ZNF84: variants seen among roughly 807,000 people sequenced by gnomAD.
ZNF84 encodes zinc finger protein 84, also known as zinc finger protein HPF2.
A neutral mutation model predicts 14.8 loss-of-function variants in ZNF84; 12 were observed. The ratio of observed to expected loss-of-function variants is 0.81; its 90% CI spans 0.52 to 1.31. The LOEUF is 1.31. Ranked by LOEUF, ZNF84 falls within the 50% of genes most tolerant of loss-of-function variation. ZNF84 has a pLI of 0.00. For missense variants in ZNF84, 859 were observed against 878.6 expected (o/e 0.98, Z 0.28); for synonymous variants, 347 against 291.1 (o/e 1.19, Z -1.96).
intron 4 of ZNF84, among the ~76,000 whole-genome samples, chr12:133,055,258 G>A (rs1954134166): frequency 6.6e-6 from 1 of 151,736 alleles, no homozygotes; most frequent in Non-Finnish European, 1.5e-5. Flanking sequence ...TGATAGAGAT[G>A]GATTACAAAA....
chr12:133,059,221 C>G lies in ZNF84; in HGVS notation c.*289C>G. ...CAAAAGCCTTCCAGAAGTCAAGTCT[C>G]TTAAGCTATTAGAAATATTCCCACT... is the stretch of plus-strand genomic sequence containing the variant. On this transcript the variant is annotated 3_prime_UTR_variant, in exon 5 of 5. Transcript: ENST00000539354. 1 of 407,776 alleles carries G rather than the reference C, an allele frequency of 2.5e-6. No homozygotes were observed. The allele number at this position is 407,776 out of a possible 1,614,324, so 25.3% of individuals were successfully genotyped here. A position where few individuals can be genotyped will look rare whatever the true frequency, so the allele number is the denominator to read the frequency against.
At chr12:133,045,388 T>C (rs1282274302) in intron 2 of ZNF84, among the ~76,000 whole-genome samples, 3 of 152,184 alleles carry the variant, frequency 2.0e-5, no homozygotes, top group Non-Finnish European at 4.4e-5. Flanking sequence ...GGAGAATTGC[T>C]TGAACCTGAG....
intron 1 of ZNF84, chr12:133,038,828 G>A (rs972897911): frequency 6.6e-6 from 1 of 151,820 alleles, no homozygotes; most frequent in East Asian, 1.9e-4. Flanking sequence ...ATTATGAGTC[G>A]GATTTTATTT....
intron 4 of ZNF84, among the ~76,000 whole-genome samples, chr12:133,056,399 G>A (rs939444042): frequency 1.8e-4 from 27 of 151,828 alleles, no homozygotes; most frequent in Admixed American, 1.3e-3. Flanking sequence ...GACTACAGGC[G>A]CCCACCACCA....
At chr12:133,048,523 C>T in intron 3 of ZNF84, 1 of 347,430 alleles carries the variant, frequency 2.9e-6, no homozygotes, top group Non-Finnish European at 5.4e-6. Context: ...AATTAAAGAG[C>T]CTGGATGTAA....
rs1954209970 is a variant in ZNF84 at position 133,058,918 on chromosome 12, G to A, written c.2203G>A (p.Val735Ile). The change falls in exon 5 of 5, where the codon GTA becomes ATA. Residue 735 changes from valine to isoleucine, a missense_variant. Coordinates refer to ENST00000539354, the MANE Select transcript of ZNF84 (RefSeq NM_001289971.2). ...QLINHQRTHT[V>I]KKS ...CATCAATCATCAGAGAACTCATACA[G>A]TAAAAAAATCCTAGGAATACAGTTA... is the stretch of plus-strand genomic sequence containing the variant. The A allele has an allele frequency of 3.1e-6, 5 of 1,598,548 alleles. No homozygotes were observed. In the East Asian group the frequency reaches 1.1e-4, roughly 36 times the overall value.
intron 1 of ZNF84, 183 bp downstream of exon 1, chr12:133,037,728 CG>C (rs1193424652): frequency 6.6e-6 from 1 of 152,298 alleles, no homozygotes; most frequent in Non-Finnish European, 1.5e-5. Flanking sequence ...CGGAGCTGCG[CG>C]GATTCTGGGC....
At chr12:133,043,643 C>G (rs1300396025) in intron 2 of ZNF84, among the ~76,000 whole-genome samples, 1 of 152,158 alleles carries the variant, frequency 6.6e-6, no homozygotes, top group East Asian at 1.9e-4. Context: ...TTAGCCATTT[C>G]TACAGTAAAT....
In ZNF84 at chr12:133,058,217, G is replaced by T; in HGVS notation, c.1502G>T (p.Ser501Ile). 6.2e-6 allele frequency: 10 copies of T among 1,612,532 alleles called. No individual in the cohort carries two copies. The highest frequency in any genetic ancestry group is 8.5e-6 in the Non-Finnish European group (10 of 1,179,594). The change falls in exon 5 of 5, where the codon AGT (serine) becomes ATT (isoleucine). Residue 501 changes from serine to isoleucine, a missense_variant. Coordinates refer to ENST00000539354, the MANE Select transcript of ZNF84 (RefSeq NM_001289971.2). ...GGGAAAGCTTTCAGTGAAAAATTAA[G>T]TCTCACTAATCATCAAAGAATTCAT... ...ECGKAFSEKL[S>I]LTNHQRIHTG...
rs1017920044 is a variant in ZNF84, at chr12:133,059,363, T to C, written c.*431T>C. On this transcript the variant is annotated 3_prime_UTR_variant, in exon 5 of 5. Transcript: ENST00000539354. ...TGAAGTTCTATGAAAGTACTAAATATGGGACAGTGCAACAAGTAACGAGAC... is the reference window on the plus strand; with the variant it reads ...TGAAGTTCTATGAAAGTACTAAATACGGGACAGTGCAACAAGTAACGAGAC... 4.1e-5 allele frequency: 9 copies of C among 217,782 alleles called. No homozygotes were observed. Among genetic ancestry groups the C allele is most frequent in the Admixed American group, 1.6e-4 (3 of 18,474 alleles). The allele number at this position is 217,782 out of a possible 1,614,324, so 13.5% of individuals were successfully genotyped here.
At chr12:133,045,433 T>G (rs1953963786) in intron 2 of ZNF84, among the ~76,000 whole-genome samples, 1 of 152,220 alleles carries the variant, frequency 6.6e-6, no homozygotes, top group African/African-American at 2.4e-5. Flanking sequence ...ATTGGGCCAC[T>G]GCACTTCAGC....
At position 133,057,047 on chromosome 12, in the gene ZNF84, G is replaced by T; in HGVS notation, c.332G>T (p.Gly111Val). Residue 111 changes from glycine (G) to valine (V), a missense_variant, in exon 5 of 5, where the codon GGA becomes GTA. By Grantham distance (109) the Gly-to-Val change is moderately radical. Transcript: ENST00000539354. ...AGAGGTCATGAATGTGATGCATTTG[G>T]AAAAAATTTCAATCTGAACATGAAC... The part of the protein sequence containing the change: ...IKRGHECDAF[G>V]KNFNLNMNFV... 1 of 1,613,004 alleles carries T rather than the reference G, an allele frequency of 6.2e-7. No individual in the cohort carries two copies.
intron 4 of ZNF84, among the ~76,000 whole-genome samples, chr12:133,055,867 G>A (rs370262054): frequency 0.016 from 2,397 of 152,208 alleles, 54 homozygotes; most frequent in African/African-American, 0.054. Flanking sequence ...GGAGGCTGAG[G>A]TGGAAAGACT....
chr12:133,057,642 T>C lies in ZNF84; in HGVS notation c.927T>C (p.His309=), dbSNP rs61735097. The C allele has an allele frequency of 4.9e-3, 7,848 of 1,614,048 alleles. 287 individuals are homozygous for C. In the African/African-American group the frequency reaches 0.086, roughly 18 times the overall value. The change falls in exon 5 of 5, where the codon CAT becomes CAC. Residue 309 remains histidine, a synonymous_variant. Transcript: ENST00000539354. ...AFSRKSHLIS[H]WRTHTGEKPY... is the part of the protein sequence containing the mutation. ...CCCGGAAGTCACATCTCATATCGCATTGGAGAACACACACAGGAGAGAAAC... is the reference window on the plus strand; with the variant it reads ...CCCGGAAGTCACATCTCATATCGCACTGGAGAACACACACAGGAGAGAAAC...
At chr12:133,039,690 T>G (rs1953852336) in intron 1 of ZNF84, among the ~76,000 whole-genome samples, 1 of 152,192 alleles carries the variant, frequency 6.6e-6, no homozygotes, top group South Asian at 2.1e-4. Context: ...AACACCTCAT[T>G]TGTTTCTTAG....
Position 133,063,229 on chromosome 12 carries a change from T to C in ZNF84, c.*4297T>C. On this transcript the variant is annotated 3_prime_UTR_variant, in exon 5 of 5. Transcript: ENST00000539354. ...CATGTTCAGGTCCACCTCTGCCCTT[T>C]TCATGTCTTGATTGTTGAATTCTTC... 1 of 702,380 alleles carries C rather than the reference T, an allele frequency of 1.4e-6. No individual in the cohort carries two copies. Among genetic ancestry groups the C allele is most frequent in the East Asian group, 2.7e-5 (1 of 37,284 alleles). The allele number at this position is 702,380 out of a possible 1,614,324, so 43.5% of individuals were successfully genotyped here.
Position 133,057,188 on chromosome 12 carries a change from T to C in ZNF84, c.473T>C (p.Phe158Ser). Residue 158 changes from phenylalanine (F) to serine (S), a missense_variant, in exon 5 of 5, where the codon TTT (phenylalanine) becomes TCT (serine). Physicochemically the swap from Phe to Ser is radical, Grantham distance 155 (BLOSUM62 -2). Transcript: ENST00000539354. The part of the protein sequence containing the change: ...GDYGKAESDD[F>S]NVFDNFFLHS... The stretch of plus-strand genomic sequence containing the variant: ...TATGGAAAAGCAGAATCAGATGACT[T>C]TAATGTGTTTGATAATTTTTTTCTC... The C allele has an allele frequency of 1.2e-6, 2 of 1,612,744 alleles. No individual in the cohort carries two copies. The highest frequency in any genetic ancestry group is 1.3e-5 in the African/African-American group (1 of 74,926).
At chr12:133,046,861 A>C (rs1953987263) in intron 2 of ZNF84, among the ~76,000 whole-genome samples, 1 of 138,100 alleles carries the variant, frequency 7.2e-6, no homozygotes, top group Non-Finnish European at 1.5e-5. Context: ...TATATATATG[A>C]TATTTATATT....
chr12:133,040,471 G>C (rs1953867756), intron 1 of ZNF84: 1 of 151,448 alleles, frequency 6.6e-6, no homozygotes, highest in African/African-American at 2.4e-5. Context: ...TACGTGGGAG[G>C]CTGAGGCAGG....
Sources: gnomAD v4.1 joint callset for allele counts (sites outside exome capture counted in the v4.1 genomes callset) on GRCh38, gnomAD v4.1.1 for gene constraint, MANE v1.5 for transcripts, NCBI Gene and HGNC (gene_info 2026-07-23, HGNC 2026-07-21) for gene names.